Variants in LRRC45 observed in about 807,000 individuals in gnomAD.
LRRC45 encodes leucine rich repeat containing 45.
A neutral mutation model predicts 85.4 loss-of-function variants in LRRC45; 73 were observed. The observed-to-expected ratio is 0.85, with a 90% CI of 0.71 to 1.04. The LOEUF (loss-of-function observed/expected upper bound fraction) is 1.04. Ranked by LOEUF, LRRC45 falls within the 50% of genes least tolerant of loss-of-function variation. The pLI is 0.00. For missense variants in LRRC45, 937 were observed against 883.3 expected (o/e 1.06, Z -0.77); for synonymous variants, 429 against 386.0 (o/e 1.11, Z -1.31).
Position 82,025,511 on chromosome 17 carries a change from C to A in LRRC45, c.661+4C>A. 1 of 1,574,822 alleles carries A rather than the reference C, an allele frequency of 6.3e-7. No individual in the cohort carries two copies. On this transcript the variant is annotated splice_donor_region_variant and intron_variant, in intron 5 of 16. Coordinates refer to ENST00000306688, the MANE Select transcript of LRRC45 (RefSeq NM_144999.4). ...GGAGACGTCCTCAGAGCCGTGGGTA[C>A]GGTGCAGGGCTGTGTGGAGTGACGC... is the stretch of plus-strand genomic sequence containing the variant.
Position 82,023,600 on chromosome 17 carries a change from A to T in LRRC45, c.-44A>T. The T allele has an allele frequency of 6.8e-7, 1 of 1,464,242 alleles. No homozygotes were observed. Among genetic ancestry groups the T allele is most frequent in the African/African-American group, 1.4e-5 (1 of 71,218 alleles). 90.7% of individuals were successfully genotyped at this position (1,464,242 alleles called of 1,614,324 possible). The stretch of plus-strand genomic sequence containing the variant: ...CCGCACCGCGCGGCTCCCTTTCAGC[A>T]GCTGCGGGAGCATGCGGAGGAGGCC... On this transcript the variant is annotated 5_prime_UTR_variant, in exon 1 of 17. Transcript: ENST00000306688.
At chr17:82,026,842 AG>A in intron 5 of LRRC45, 56 bp from the exon 6 acceptor site, 2 of 1,444,668 alleles carry the variant, frequency 1.4e-6, no homozygotes, top group Non-Finnish European at 1.9e-6. Context: ...GACCTCCCAA[AG>A]TGCTGGGATT....
At chr17:82,024,467 C>CATCAGAGAGCGGCCTGG in intron 2 of LRRC45, 128 bp downstream of exon 2, 1 of 1,154,182 alleles carries the variant, frequency 8.7e-7, no homozygotes, top group Non-Finnish European at 1.2e-6. Context: ...GTCCCCAGGC[C>CATCAGAGAGCGGCCTGG]GCTCTCTGAT....
In LRRC45 at chr17:82,030,002, A is replaced by G; in HGVS notation, c.1495-63A>G. 2.7e-6 allele frequency: 4 copies of G among 1,464,998 alleles called. No homozygotes were observed. The Admixed American group carries it at 9.6e-5, about 35-fold the overall frequency. The allele number at this position is 1,464,998 out of a possible 1,614,324, so 90.7% of individuals were successfully genotyped here. ...GAGAGGTGGGGTCGTGCCCGTGCAGACATTCCCTCAGCTGAGCTCAGGCTG... is the reference window on the plus strand; with the variant it reads ...GAGAGGTGGGGTCGTGCCCGTGCAGGCATTCCCTCAGCTGAGCTCAGGCTG... On this transcript the variant is annotated intron_variant, in intron 14 of 16. Coordinates refer to ENST00000306688, the MANE Select transcript of LRRC45 (RefSeq NM_144999.4).
At chr17:82,027,125 G>T in intron 6 of LRRC45, 114 bp downstream of exon 6, 3 of 994,282 alleles carry the variant, frequency 3.0e-6, no homozygotes, top group Non-Finnish European at 4.6e-6. Flanking sequence ...GGGCCCTGGA[G>T]CCTCTCTGAG....
In LRRC45 at chr17:82,031,108, G is replaced by T. The variant is rs555414485; in HGVS notation, c.*303G>T. ...CACCGTGAACGCTGCGGCCGCCTGC[G>T]CGCGGCGGGGTTTGGAAATACAGCG... On this transcript the variant is annotated 3_prime_UTR_variant, in exon 17 of 17. Coordinates refer to ENST00000306688, the MANE Select transcript of LRRC45 (RefSeq NM_144999.4). The T allele has an allele frequency of 2.9e-6, 1 of 349,902 alleles. No homozygotes were observed. The highest frequency in any genetic ancestry group is 5.1e-6 in the Non-Finnish European group (1 of 194,468). The allele number at this position is 349,902 out of a possible 1,614,324, so 21.7% of individuals were successfully genotyped here.
chr17:82,024,825 A>G, intron 3 of LRRC45, 62 bp downstream of exon 3: 1 of 1,515,276 alleles, frequency 6.6e-7, no homozygotes, highest in Non-Finnish European at 8.8e-7. Context: ...CCCCGAGCAC[A>G]TGCTTCTGCA....
chr17:82,029,392 G>A, intron 13 of LRRC45, 151 bp from the exon 14 acceptor site: 1 of 977,346 alleles, frequency 1.0e-6, no homozygotes, highest in Non-Finnish European at 1.5e-6. Flanking sequence ...TAGGAACCTT[G>A]CCCAGCGAGC....
intron 7 of LRRC45, 52 bp downstream of exon 7, chr17:82,027,496 G>A: frequency 1.2e-6 from 2 of 1,609,916 alleles, no homozygotes; most frequent in East Asian, 2.2e-5. Context: ...TCAGGTCCTG[G>A]CTCAGACTCA....
intron 3 of LRRC45, 58 bp from the exon 4 acceptor site, chr17:82,024,942 T>C: frequency 6.8e-7 from 1 of 1,476,936 alleles, no homozygotes; most frequent in Non-Finnish European, 9.0e-7. Context: ...CCCCAAGCCC[T>C]GGACCCCACG....
Position 82,025,446 on chromosome 17 carries a change from A to G in LRRC45, c.600A>G (p.Arg200=), listed in dbSNP as rs2043360404. 6.2e-7 allele frequency: 1 copy of G among 1,609,598 alleles called. No homozygotes were observed. Among genetic ancestry groups the G allele is most frequent in the Non-Finnish European group, 8.5e-7 (1 of 1,178,156 alleles). Reference sequence around the variant, plus strand: ...TCATGAACTGTCTCCCCAGCAACAGAACCCTGTGGAGACTGGACCTGGCTG... The same window carrying G: ...TCATGAACTGTCTCCCCAGCAACAGGACCCTGTGGAGACTGGACCTGGCTG... The part of the protein sequence containing the change: ...RALMNCLPSN[R]TLWRLDLAGN... Residue 200 remains arginine, a synonymous_variant, in exon 5 of 17, where the codon AGA becomes AGG. Coordinates refer to ENST00000306688, the MANE Select transcript of LRRC45 (RefSeq NM_144999.4).
Position 82,030,730 on chromosome 17 carries a change from G to A in LRRC45, c.1938G>A (p.Arg646=), listed in dbSNP as rs935346096. The change falls in exon 17 of 17, where the codon AGG becomes AGA. Residue 646 remains arginine, a synonymous_variant. Coordinates refer to ENST00000306688, the MANE Select transcript of LRRC45 (RefSeq NM_144999.4). ...GCATCCGGGACGAGGAGGCCCAGAG[G>A]GCGAGCTTCCTGCAGAACGCCGTCC... ...IARIRDEEAQ[R]ASFLQNAVLA... 4.7e-6 allele frequency: 7 copies of A among 1,497,158 alleles called. No individual in the cohort carries two copies. Among genetic ancestry groups the A allele is most frequent in the Non-Finnish European group, 6.3e-6 (7 of 1,113,168 alleles). 92.7% of individuals were successfully genotyped at this position (1,497,158 alleles called of 1,614,324 possible). A position where few individuals can be genotyped will look rare whatever the true frequency, so the allele number is the denominator to read the frequency against.
At chr17:82,027,492 C>T in intron 7 of LRRC45, 48 bp downstream of exon 7, 1 of 1,610,486 alleles carries the variant, frequency 6.2e-7, no homozygotes, top group South Asian at 1.1e-5. Flanking sequence ...GGGATCAGGT[C>T]CTGGCTCAGA....
At position 82,030,650 on chromosome 17, in the gene LRRC45, A is replaced by C. The variant is rs775958094; in HGVS notation, c.1858A>C (p.Ser620Arg). 8 of 1,420,726 alleles carry C rather than the reference A, an allele frequency of 5.6e-6. No homozygotes were observed. The highest frequency in any genetic ancestry group is 4.7e-5 in the Admixed American group (2 of 42,244). 88.0% of individuals were successfully genotyped at this position (1,420,726 alleles called of 1,614,324 possible). A position where few individuals can be genotyped will look rare whatever the true frequency, so the allele number is the denominator to read the frequency against. Reference protein sequence around the residue: ...DHREALLDRESENASLREKLR... With the variant: ...DHREALLDRERENASLREKLR... ...CCGAGAGGCGCTGCTGGACAGGGAG[A>C]GCGAGAACGCGTCTCTCCGGGAGAA... The change falls in exon 17 of 17, where the codon AGC (serine) becomes CGC (arginine). Residue 620 changes from serine (S) to arginine (R), a missense_variant. Physicochemically the swap from Ser to Arg is moderately radical, Grantham distance 110. Coordinates refer to ENST00000306688, the MANE Select transcript of LRRC45 (RefSeq NM_144999.4).
intron 7 of LRRC45, 85 bp from the exon 8 acceptor site, chr17:82,027,589 G>A: frequency 1.9e-6 from 3 of 1,541,582 alleles, no homozygotes; most frequent in South Asian, 1.1e-5. Context: ...GATGCTTAAG[G>A]AACAGCAGCA....
At chr17:82,026,667 C>G in intron 5 of LRRC45, 1 of 388,458 alleles carries the variant, frequency 2.6e-6, no homozygotes, top group Non-Finnish European at 5.0e-6. Context: ...GCAACCTCCA[C>G]CTCCCGGTTC....
intron 8 of LRRC45, 31 bp from the exon 9 acceptor site, chr17:82,027,979 CG>C: frequency 1.3e-6 from 2 of 1,568,194 alleles, no homozygotes. Flanking sequence ...AAACTCCAAC[CG>C]GGGCGGGGGT....
chr17:82,030,245 G>A lies in LRRC45; in HGVS notation c.1668+7G>A. The A allele has an allele frequency of 6.5e-7, 1 of 1,533,934 alleles. No homozygotes were observed. ...CCTGGAAGAGCTGCAGCAGGTAGGC[G>A]GGGCTCCGGTGGGGGGCCCCGGGCG... On this transcript the variant is annotated splice_region_variant and intron_variant, in intron 15 of 16. Transcript: ENST00000306688.
chr17:82,029,452 C>G lies in LRRC45; in HGVS notation c.1402-91C>G, dbSNP rs1032115511. On this transcript the variant is annotated intron_variant, in intron 13 of 16. Coordinates refer to ENST00000306688, the MANE Select transcript of LRRC45 (RefSeq NM_144999.4). ...CCTCAGGAGGCTGGCAGAGAGGAGC[C>G]CCCCTGGCTGGGGTTGGCTGGATGG... is the stretch of plus-strand genomic sequence containing the variant. 4 of 1,388,282 alleles carry G rather than the reference C, an allele frequency of 2.9e-6. No individual in the cohort carries two copies. The Admixed American group carries it at 8.0e-5, about 28-fold the overall frequency. 86.0% of individuals were successfully genotyped at this position (1,388,282 alleles called of 1,614,324 possible).
Sources: allele counts gnomAD v4.1 joint callset, GRCh38; gene constraint gnomAD v4.1.1; transcripts MANE v1.5; gene names NCBI Gene and HGNC (gene_info 2026-07-23, HGNC 2026-07-21).